PACRG: variants seen among roughly 807,000 people sequenced by gnomAD.
PACRG encodes the protein parkin coregulated, also known as parkin coregulated gene protein.
A neutral mutation model predicts 29.7 loss-of-function variants in PACRG; 29 were observed. That is an observed-to-expected ratio of 0.98 (90% CI 0.73 to 1.33). PACRG has a LOEUF of 1.33. Among genes scored for constraint, PACRG ranks in the 40% most tolerant of loss-of-function variants. The pLI, the probability that PACRG is intolerant of heterozygous loss-of-function variation, is 0.00. For synonymous variants in PACRG, 116 were observed against 118.7 expected (o/e 0.98, Z 0.15); for missense variants, 279 against 316.2 (o/e 0.88, Z 0.89).
At chr6:162,770,509 A>G (rs1232128356) in intron 1 of PACRG, among the ~76,000 whole-genome samples, 3 of 152,166 alleles carry the variant, frequency 2.0e-5, no homozygotes, top group Non-Finnish European at 4.4e-5. Context: ...CAAGCCACAT[A>G]AAATAGATTT....
At chr6:163,003,949 C>T (rs1804806438) in intron 2 of PACRG, among the ~76,000 whole-genome samples, 1 of 152,170 alleles carries the variant, frequency 6.6e-6, no homozygotes, top group African/African-American at 2.4e-5. Flanking sequence ...ACTATGCATG[C>T]TCTTTCCACT....
At chr6:163,162,948 G>A (rs922674789) in intron 4 of PACRG, among the ~76,000 whole-genome samples, 1 of 152,210 alleles carries the variant, frequency 6.6e-6, no homozygotes, top group South Asian at 2.1e-4. Context: ...GGGAGGTGGA[G>A]CTGCTGTAGG....
chr6:163,235,590 C>G (rs115311715), intron 4 of PACRG, among the ~76,000 whole-genome samples: 1,780 of 152,252 alleles, frequency 0.012, 38 homozygotes, highest in African/African-American at 0.041. Context: ...GTGTTAATGT[C>G]TATAGACTAG....
intron 4 of PACRG, among the ~76,000 whole-genome samples, chr6:163,255,844 C>G (rs187561998): frequency 6.6e-6 from 1 of 152,102 alleles, no homozygotes; most frequent in East Asian, 1.9e-4. Context: ...CCATGTTGTC[C>G]AGGTTGGTCT....
intron 4 of PACRG, among the ~76,000 whole-genome samples, chr6:163,218,908 G>A (rs1055761314): frequency 1.2e-4 from 18 of 152,322 alleles, no homozygotes; most frequent in Admixed American, 3.9e-4. Flanking sequence ...GGGAGATGCC[G>A]CAGGCATTCG....
chr6:163,086,105 G>A (rs1461586399), intron 3 of PACRG, among the ~76,000 whole-genome samples: 1 of 152,210 alleles, frequency 6.6e-6, no homozygotes, highest in Non-Finnish European at 1.5e-5. Context: ...GAGCATAGTT[G>A]GTAGACTTTG....
chr6:162,837,367 A>G (rs1303741260), intron 2 of PACRG, among the ~76,000 whole-genome samples: 1 of 152,144 alleles, frequency 6.6e-6, no homozygotes, highest in Non-Finnish European at 1.5e-5. Context: ...AGCTGTTTCA[A>G]CAGTCCACAC....
intron 4 of PACRG, among the ~76,000 whole-genome samples, chr6:163,108,392 C>CTTTTTTTTTTTTTTTTTTTTTTTTTT (rs528887997): frequency 1.1e-5 from 1 of 90,510 alleles, no homozygotes; most frequent in Non-Finnish European, 2.0e-5. Flanking sequence ...TTCTCTTTCC[C>CTTTTTTTTTTTTTTTTTTTTTTTTTT]TTTTTTTTTT....
chr6:162,957,151 G>A lies in PACRG; in HGVS notation c.292-104999G>A, dbSNP rs75392391. On this transcript the variant is annotated intron_variant, in intron 2 of 4. Coordinates refer to ENST00000366888, the MANE Select transcript of PACRG (RefSeq NM_001080379.2). ...TGAGACTCACTAGAAAATGAATTTG[G>A]GCTTAGCCTCCCTGGTCTCAGGGTC... is the stretch of plus-strand genomic sequence containing the variant. 3.2e-3 allele frequency: 698 copies of A among 217,032 alleles called. 4 individuals are homozygous for A. Among genetic ancestry groups the A allele is most frequent in the Admixed American group, 5.0e-3 (101 of 20,300 alleles). 13.4% of individuals were successfully genotyped at this position (217,032 alleles called of 1,614,324 possible).
At chr6:162,754,620 T>A (rs1194932682) in intron 1 of PACRG, among the ~76,000 whole-genome samples, 1 of 152,162 alleles carries the variant, frequency 6.6e-6, no homozygotes, top group Non-Finnish European at 1.5e-5. Flanking sequence ...TTAAGTTTTT[T>A]TTTTTATCTC....
At chr6:163,218,897 G>T (rs367934260) in intron 4 of PACRG, among the ~76,000 whole-genome samples, 1 of 152,238 alleles carries the variant, frequency 6.6e-6, no homozygotes, top group Admixed American at 6.5e-5. Flanking sequence ...GTCACAAGGT[G>T]GGGAGATGCC....
At chr6:163,279,062 G>A (rs1784144994) in intron 4 of PACRG, among the ~76,000 whole-genome samples, 2 of 152,148 alleles carry the variant, frequency 1.3e-5, no homozygotes, top group Admixed American at 1.3e-4. Context: ...TTGGTTAGGT[G>A]TATTCCTAAG....
At chr6:162,884,082 C>T (rs1327615684) in intron 2 of PACRG, among the ~76,000 whole-genome samples, 1 of 152,036 alleles carries the variant, frequency 6.6e-6, no homozygotes, top group Admixed American at 6.6e-5. Flanking sequence ...CCCCAAGTAG[C>T]TGAGACTACG....
At chr6:162,876,495 G>A (rs1225517244) in intron 2 of PACRG, among the ~76,000 whole-genome samples, 4 of 152,140 alleles carry the variant, frequency 2.6e-5, no homozygotes, top group African/African-American at 7.2e-5. Flanking sequence ...TTTGATGGCC[G>A]CATAAATGCC....
At chr6:163,226,433 G>C (rs568529849) in intron 4 of PACRG, among the ~76,000 whole-genome samples, 1 of 152,234 alleles carries the variant, frequency 6.6e-6, no homozygotes, top group African/African-American at 2.4e-5. Context: ...AGGGTATGGC[G>C]TACATGTGTT....
At chr6:162,781,014 C>G (rs1289303737) in intron 1 of PACRG, among the ~76,000 whole-genome samples, 5 of 151,854 alleles carry the variant, frequency 3.3e-5, no homozygotes, top group Non-Finnish European at 1.5e-5. Context: ...TTGGTAAAAA[C>G]TATGAACCCA....
In PACRG at chr6:163,000,564, T is replaced by C. The variant is rs1203592562; in HGVS notation, c.292-61586T>C. 3.3e-5 allele frequency among the ~76,000 whole-genome samples: 5 copies of C among 152,314 alleles called. No homozygotes were observed. The South Asian group carries it at 1.0e-3, about 32-fold the overall frequency. The stretch of plus-strand genomic sequence containing the variant: ...CTGATCTGGATTTAAACTGTAGCTC[T>C]GGCATTCTCTCCCTGTGTGGCCTTG... On this transcript the variant is annotated intron_variant, in intron 2 of 4. Coordinates refer to ENST00000366888, the MANE Select transcript of PACRG (RefSeq NM_001080379.2).
chr6:163,208,352 G>C (rs1288848116), intron 4 of PACRG, among the ~76,000 whole-genome samples: 1 of 151,610 alleles, frequency 6.6e-6, no homozygotes, highest in Non-Finnish European at 1.5e-5. Context: ...GGTAGTGCTA[G>C]TATAGTATAC....
chr6:162,759,665 C>T lies in PACRG; in HGVS notation c.156+31274C>T, dbSNP rs1256951846. ...CTTTGGGGTACAAGAGATGTGTATTCGTTGGCTATATAAAGGTGGTCGATC... is the reference window on the plus strand; with the variant it reads ...CTTTGGGGTACAAGAGATGTGTATTTGTTGGCTATATAAAGGTGGTCGATC... On this transcript the variant is annotated intron_variant, in intron 1 of 4. Transcript: ENST00000366888. Among the ~76,000 whole-genome samples the T allele has an allele frequency of 6.6e-5, 10 of 152,060 alleles. No individual in the cohort carries two copies. The South Asian group carries it at 1.9e-3, about 28-fold the overall frequency.
Sources: gnomAD v4.1 joint callset for allele counts (sites outside exome capture counted in the v4.1 genomes callset) on GRCh38, gnomAD v4.1.1 for gene constraint, MANE v1.5 for transcripts, NCBI Gene and HGNC (gene_info 2026-07-23, HGNC 2026-07-21) for gene names.